The following SLC2A8 variants were observed in gnomAD, a reference collection of about 807,000 sequenced individuals.
SLC2A8 encodes solute carrier family 2 member 8.
In SLC2A8, 53 loss-of-function variants were observed where a neutral mutation model predicts 49.2. That is an observed-to-expected ratio of 1.08 (90% CI 0.86 to 1.35). The LOEUF (loss-of-function observed/expected upper bound fraction) is 1.35. SLC2A8 is among the 40% of genes most tolerant of loss of function. The pLI is 0.00. For missense variants in SLC2A8, 688 were observed against 671.7 expected, an observed-to-expected ratio of 1.02 and a Z score of -0.27; for synonymous variants, 299 against 297.0, an observed-to-expected ratio of 1.01 and a Z score of -0.07.
At chr9:127,407,020 C>T in intron 9 of SLC2A8, 92 bp from the exon 10 acceptor site, 1 of 1,457,466 alleles carries the variant, frequency 6.9e-7, no homozygotes, top group Non-Finnish European at 9.4e-7. Context: ...GGTCAGGGGA[C>T]TGGACCCCCT....
At chr9:127,397,642 C>T (rs113648710) in intron 2 of SLC2A8, 104 bp downstream of exon 2, 4 of 1,325,046 alleles carry the variant, frequency 3.0e-6, no homozygotes, top group Admixed American at 3.8e-5. Context: ...GGACAGGCAT[C>T]GGGCCCCGCC....
chr9:127,407,609 C>A lies in SLC2A8; in HGVS notation c.*360C>A. ...GCTGGGCATTCAGTCGCTCCTCTCA[C>A]GCGGCTGCCTTATCGGGAAGGAAAT... On this transcript the variant is annotated 3_prime_UTR_variant, in exon 10 of 10. Transcript: ENST00000373371. 2.7e-6 allele frequency: 1 copy of A among 376,974 alleles called. No individual in the cohort carries two copies. Among genetic ancestry groups the A allele is most frequent in the Non-Finnish European group, 5.5e-6 (1 of 182,650 alleles). 23.4% of individuals were successfully genotyped at this position (376,974 alleles called of 1,614,324 possible).
intron 9 of SLC2A8, 63 bp downstream of exon 9, chr9:127,405,628 A>T: frequency 6.3e-7 from 1 of 1,593,546 alleles, no homozygotes; most frequent in Non-Finnish European, 8.5e-7. Context: ...TTCTAAAACC[A>T]CTTGTATTGC....
intron 2 of SLC2A8, 115 bp downstream of exon 2, chr9:127,397,653 G>A: frequency 2.3e-6 from 3 of 1,298,756 alleles, no homozygotes; most frequent in Non-Finnish European, 3.0e-6. Context: ...GGGCCCCGCC[G>A]CCACCACCTT....
chr9:127,397,225 G>A lies in SLC2A8; in HGVS notation c.-6G>A, dbSNP rs1326230498. ...CAGAGCTGGCCGATCGGCGTTGGCC[G>A]CCGACATGACGCCCGAGGACCCAGA... On this transcript the variant is annotated 5_prime_UTR_variant, in exon 1 of 10. Coordinates refer to ENST00000373371, the MANE Select transcript of SLC2A8 (RefSeq NM_014580.5). 1.4e-6 allele frequency: 2 copies of A among 1,457,862 alleles called. No homozygotes were observed. Among genetic ancestry groups the A allele is most frequent in the Admixed American group, 2.7e-5 (1 of 37,712 alleles). The allele number at this position is 1,457,862 out of a possible 1,614,324, so 90.3% of individuals were successfully genotyped here. A position where few individuals can be genotyped will look rare whatever the true frequency, so the allele number is the denominator to read the frequency against.
At chr9:127,403,132 G>A (rs1276721040) in intron 5 of SLC2A8, 1 of 257,834 alleles carries the variant, frequency 3.9e-6, no homozygotes, top group Non-Finnish European at 7.4e-6. Flanking sequence ...TGGGTTTGAA[G>A]CCCCCACGCT....
At position 127,407,055 on chromosome 9, in the gene SLC2A8, G is replaced by C. The variant is rs1037741361; in HGVS notation, c.1297-57G>C. 5 of 1,597,576 alleles carry C rather than the reference G, an allele frequency of 3.1e-6. No individual in the cohort carries two copies. In the South Asian group the frequency reaches 4.4e-5, roughly 14 times the overall value. ...TGGTGGCAGAGCTGTCTCAGTGATC[G>C]CGTGGGGCTTCCTGATCTCTCCCCG... On this transcript the variant is annotated intron_variant, in intron 9 of 9. Coordinates refer to ENST00000373371, the MANE Select transcript of SLC2A8 (RefSeq NM_014580.5).
intron 4 of SLC2A8, among the ~76,000 whole-genome samples, chr9:127,401,959 A>C (rs566905176): frequency 6.6e-6 from 1 of 152,346 alleles, no homozygotes; most frequent in South Asian, 2.1e-4. Flanking sequence ...AACTTTATAT[A>C]AAACTAGGTA....
At position 127,407,284 on chromosome 9, in the gene SLC2A8, C is replaced by T; in HGVS notation, c.*35C>T. ...ACTAGGGGATGGAGCAAGCCTGTGA[C>T]TCCAAGCTGGGCCCAAGCCCAGAGC... On this transcript the variant is annotated 3_prime_UTR_variant, in exon 10 of 10. Coordinates refer to ENST00000373371, the MANE Select transcript of SLC2A8 (RefSeq NM_014580.5). The T allele has an allele frequency of 6.2e-7, 1 of 1,611,488 alleles. No individual in the cohort carries two copies. Among genetic ancestry groups the T allele is most frequent in the Non-Finnish European group, 8.5e-7 (1 of 1,179,002 alleles).
Position 127,397,400 on chromosome 9 carries a change from C to T in SLC2A8, c.81C>T (p.Phe27=), listed in dbSNP as rs770879617. ...GCGCGCCCCGCGGCCGCCGCGTCTTCCTCGCCGCCTTCGCCGCTGCCCTGG... is the reference window on the plus strand; with the variant it reads ...GCGCGCCCCGCGGCCGCCGCGTCTTTCTCGCCGCCTTCGCCGCTGCCCTGG... ...GGSAPRGRRV[F]LAAFAAALGP... Residue 27 remains phenylalanine (F), a synonymous_variant, in exon 2 of 10, where the codon TTC becomes TTT. Transcript: ENST00000373371. 3 of 1,473,200 alleles carry T rather than the reference C, an allele frequency of 2.0e-6. No individual in the cohort carries two copies. Among genetic ancestry groups the T allele is most frequent in the South Asian group, 1.3e-5 (1 of 77,568 alleles). 91.3% of individuals were successfully genotyped at this position (1,473,200 alleles called of 1,614,324 possible).
rs563393016 is a variant in SLC2A8 at position 127,405,207 on chromosome 9, T to C, written c.1151-213T>C. ...CTGAGCAGCCCTCGAGCAGGCCCCGTTGTGACCCCATCTCAGAGACAGAGC... is the reference window on the plus strand; with the variant it reads ...CTGAGCAGCCCTCGAGCAGGCCCCGCTGTGACCCCATCTCAGAGACAGAGC... On this transcript the variant is annotated intron_variant, in intron 8 of 9. Transcript: ENST00000373371. Among the ~76,000 whole-genome samples, 12 of 152,260 alleles carry C rather than the reference T, an allele frequency of 7.9e-5. 1 individual carries two copies. The South Asian group carries it at 2.1e-3, about 26-fold the overall frequency.
Position 127,403,956 on chromosome 9 carries a change from C to G in SLC2A8, c.868-3C>G, listed in dbSNP as rs767333724. On this transcript the variant is annotated splice_region_variant and splice_polypyrimidine_tract_variant and intron_variant, in intron 6 of 9. Coordinates refer to ENST00000373371, the MANE Select transcript of SLC2A8 (RefSeq NM_014580.5). ...TGACCTGCCTGGGCTCTGTCTCCCC[C>G]AGGACAGCAGCCTGGCCTCGGTCGT... The G allele has an allele frequency of 2.5e-6, 4 of 1,610,858 alleles. No homozygotes were observed. The highest frequency in any genetic ancestry group is 2.7e-5 in the African/African-American group (2 of 74,904).
chr9:127,399,930 C>T lies in SLC2A8; in HGVS notation c.450C>T (p.Tyr150=), dbSNP rs1833209611. Residue 150 remains tyrosine (Y), a synonymous_variant, in exon 4 of 10, where the codon TAC becomes TAT. Coordinates refer to ENST00000373371, the MANE Select transcript of SLC2A8 (RefSeq NM_014580.5). The surrounding 1 kb of genome is among the most constrained non-coding windows in gnomAD (Gnocchi z 4.2). Reference sequence around the variant, plus strand: ...AGGTCTACATCTCCGAAATCGCCTACCCAGCAGTCCGGGGGTTGCTCGGCT... The same window carrying T: ...AGGTCTACATCTCCGAAATCGCCTATCCAGCAGTCCGGGGGTTGCTCGGCT... The part of the protein sequence containing the change: ...VAPVYISEIA[Y]PAVRGLLGSC... The T allele has an allele frequency of 6.2e-7, 1 of 1,613,636 alleles. No individual in the cohort carries two copies. The highest frequency in any genetic ancestry group is 1.3e-5 in the African/African-American group (1 of 74,888).
chr9:127,402,835 CT>C lies in SLC2A8; in HGVS notation c.723+84del, dbSNP rs1833344441. 5 of 1,421,698 alleles carry C rather than the reference CT, an allele frequency of 3.5e-6. No individual in the cohort carries two copies. In the South Asian group the frequency reaches 7.4e-5, roughly 21 times the overall value. 88.1% of individuals were successfully genotyped at this position (1,421,698 alleles called of 1,614,324 possible). A position where few individuals can be genotyped will look rare whatever the true frequency, so the allele number is the denominator to read the frequency against. On this transcript the variant is annotated intron_variant, in intron 5 of 9. Transcript: ENST00000373371. Reference sequence around the variant, plus strand: ...CACAGCCTGTTCCCAAGGCCACACACTTGGGGGGTGGGGGACAGGGAGGTGC... The same window carrying C: ...CACAGCCTGTTCCCAAGGCCACACACTGGGGGGTGGGGGACAGGGAGGTGC...
intron 3 of SLC2A8, 51 bp downstream of exon 3, chr9:127,398,162 G>T (rs1351656559): frequency 6.5e-7 from 1 of 1,538,548 alleles, no homozygotes; most frequent in Non-Finnish European, 8.8e-7. Flanking sequence ...AGACCGAGGG[G>T]GAGTGGGACA....
At position 127,399,315 on chromosome 9, in the gene SLC2A8, G is replaced by A. The variant is rs185422122; in HGVS notation, c.427-592G>A. ...TCCAGGGTGTCTGTGCACATTAAAC[G>A]AAGGCTTGAGAAGCTCTGTGCCCAC... On this transcript the variant is annotated intron_variant, in intron 3 of 9. Coordinates refer to ENST00000373371, the MANE Select transcript of SLC2A8 (RefSeq NM_014580.5). This position sits in a 1 kb window ranked among gnomAD's most constrained non-coding sequence, Gnocchi z 4.2. Among the ~76,000 whole-genome samples, 136 of 152,292 alleles carry A rather than the reference G, an allele frequency of 8.9e-4. No individual in the cohort carries two copies. The highest frequency in any genetic ancestry group is 3.4e-3 in the Middle Eastern group (1 of 294).
rs775734425 is a variant in SLC2A8, at chr9:127,399,952, G to A, written c.472G>A (p.Gly158Ser). The A allele has an allele frequency of 9.9e-6, 16 of 1,613,702 alleles. No individual in the cohort carries two copies. Among genetic ancestry groups the A allele is most frequent in the East Asian group, 4.5e-5 (2 of 44,870 alleles). Residue 158 changes from glycine to serine, a missense_variant, in exon 4 of 10, where the codon GGC becomes AGC. By Grantham distance (56) the Gly-to-Ser change is moderately conservative. Transcript: ENST00000373371. The surrounding 1 kb of genome is among the most constrained non-coding windows in gnomAD (Gnocchi z 4.2). ...IAYPAVRGLL[G>S]SCVQLMVVVG... Reference sequence around the variant, plus strand: ...CTACCCAGCAGTCCGGGGGTTGCTCGGCTCCTGTGTGCAGCTAATGGTCGT... The same window carrying A: ...CTACCCAGCAGTCCGGGGGTTGCTCAGCTCCTGTGTGCAGCTAATGGTCGT...
At chr9:127,404,397 G>A (rs1833411257) in intron 7 of SLC2A8, 2 of 333,678 alleles carry the variant, frequency 6.0e-6, no homozygotes, top group East Asian at 1.2e-4. Flanking sequence ...ACCTCTCTGA[G>A]CCTCAGTCTC....
intron 7 of SLC2A8, chr9:127,404,294 C>T (rs1833408576): frequency 2.2e-6 from 1 of 459,956 alleles, no homozygotes; most frequent in Non-Finnish European, 3.9e-6. Context: ...CACCAGAAGG[C>T]ACTCTCACAG....
Sources: gnomAD v4.1 joint callset for allele counts (sites outside exome capture counted in the v4.1 genomes callset) on GRCh38, gnomAD v4.1.1 for gene constraint, Gnocchi (gnomAD v3.1) non-coding constraint, MANE v1.5 for transcripts, NCBI Gene and HGNC (gene_info 2026-07-23, HGNC 2026-07-21) for gene names.